The following SPMIP7 variants were observed in gnomAD, a reference collection of about 807,000 sequenced individuals.
SPMIP7 encodes sperm microtubule inner protein 7.
the SPMIP7 span, among the ~76,000 whole-genome samples, chr7:50,114,898 C>T: frequency 1.6e-4 from 24 of 151,504 alleles, no homozygotes; most frequent in South Asian, 4.2e-4. Context: ...GATGTAGTGG[C>T]GGGCGCCTGT....
the SPMIP7 span, among the ~76,000 whole-genome samples, chr7:50,113,038 A>C: frequency 3.3e-5 from 5 of 151,972 alleles, no homozygotes; most frequent in African/African-American, 1.2e-4. Context: ...CAGGACAGGG[A>C]ACGTTTTATG....
the SPMIP7 span, among the ~76,000 whole-genome samples, chr7:50,125,221 T>G: frequency 2.2e-5 from 2 of 91,700 alleles, no homozygotes; most frequent in Non-Finnish European, 4.0e-5. Context: ...TATATACACA[T>G]ATATACACAT....
chr7:50,121,620 T>TA, the SPMIP7 span, among the ~76,000 whole-genome samples: 3 of 152,112 alleles, frequency 2.0e-5, no homozygotes, highest in East Asian at 5.8e-4. Flanking sequence ...TCTGCCCAGT[T>TA]AAACACTGTT....
the SPMIP7 span, among the ~76,000 whole-genome samples, chr7:50,120,770 G>A: frequency 1.3e-5 from 2 of 152,128 alleles, no homozygotes; most frequent in African/African-American, 4.8e-5. Context: ...TACTATGATT[G>A]ATATTACCAG....
the SPMIP7 span, among the ~76,000 whole-genome samples, chr7:50,145,219 C>T: frequency 6.6e-5 from 10 of 151,218 alleles, no homozygotes; most frequent in Non-Finnish European, 1.2e-4. Context: ...GCCAAGATCG[C>T]GCCACTGCAC....
chr7:50,136,201 T>C, the SPMIP7 span: 2 of 1,410,034 alleles, frequency 1.4e-6, no homozygotes, highest in East Asian at 2.5e-5. Context: ...ACACTAGGTT[T>C]CTCACTATCA....
At chr7:50,128,393 T>G in the SPMIP7 span, among the ~76,000 whole-genome samples, 2 of 151,916 alleles carry the variant, frequency 1.3e-5, no homozygotes, top group Non-Finnish European at 2.9e-5. Context: ...AGACCATGTT[T>G]GATATATCAG....
the SPMIP7 span, chr7:50,158,919 G>A: frequency 4.5e-6 from 4 of 891,446 alleles, no homozygotes; most frequent in Non-Finnish European, 6.8e-6. Context: ...AGTCATCCTC[G>A]CTCCCTGCCT....
At chr7:50,144,155 TTATGCTCAG>T in the SPMIP7 span, among the ~76,000 whole-genome samples, 2 of 152,228 alleles carry the variant, frequency 1.3e-5, no homozygotes, top group Non-Finnish European at 2.9e-5. Context: ...GAGCCAATGG[TTATGCTCAG>T]TATTTATGCT....
At chr7:50,100,748 C>T in the SPMIP7 span, among the ~76,000 whole-genome samples, 1 of 151,598 alleles carries the variant, frequency 6.6e-6, no homozygotes, top group Non-Finnish European at 1.5e-5. Context: ...GTAGGCAGAG[C>T]TTGCAGTGAG....
chr7:50,097,106 A>G, the SPMIP7 span, among the ~76,000 whole-genome samples: 1 of 152,206 alleles, frequency 6.6e-6, no homozygotes, highest in Non-Finnish European at 1.5e-5. Context: ...AATGAAGCAA[A>G]CTCTGCATAA....
the SPMIP7 span, among the ~76,000 whole-genome samples, chr7:50,133,192 A>G: frequency 6.6e-6 from 1 of 151,748 alleles, no homozygotes; most frequent in Non-Finnish European, 1.5e-5. Flanking sequence ...GTGAAAGAAC[A>G]ACTTTCAAAA....
At chr7:50,135,500 TC>T in the SPMIP7 span, among the ~76,000 whole-genome samples, 1 of 152,124 alleles carries the variant, frequency 6.6e-6, no homozygotes, top group South Asian at 2.1e-4. Flanking sequence ...GAAAAACATG[TC>T]TTTAATATAA....
At chr7:50,111,553 G>A in the SPMIP7 span, among the ~76,000 whole-genome samples, 9 of 152,158 alleles carry the variant, frequency 5.9e-5, no homozygotes, top group Non-Finnish European at 1.0e-4. Context: ...CTGGCTTCCT[G>A]GTAGCCCTTC....
chr7:50,133,317 C>T, the SPMIP7 span, among the ~76,000 whole-genome samples: 314 of 152,136 alleles, frequency 2.1e-3, 1 homozygote, highest in African/African-American at 7.2e-3. Flanking sequence ...AAAACTTGTA[C>T]AATTTGGCTG....
the SPMIP7 span, among the ~76,000 whole-genome samples, chr7:50,150,887 T>A: frequency 6.6e-6 from 1 of 152,200 alleles, no homozygotes. Context: ...AACTAAACTG[T>A]TTAAATTCAA....
At chr7:50,111,603 C>G in the SPMIP7 span, among the ~76,000 whole-genome samples, 18 of 152,234 alleles carry the variant, frequency 1.2e-4, no homozygotes, top group South Asian at 3.7e-3. Context: ...ATGCAAACTT[C>G]GAGCATACTT....
the SPMIP7 span, among the ~76,000 whole-genome samples, chr7:50,104,753 T>G: frequency 6.6e-6 from 1 of 152,180 alleles, no homozygotes; most frequent in Non-Finnish European, 1.5e-5. Context: ...ACTGGAGGAC[T>G]GCACCTTCTC....
At chr7:50,146,746 T>C in the SPMIP7 span, among the ~76,000 whole-genome samples, 125,112 of 152,136 alleles carry the variant, frequency 0.82, 51,474 homozygotes, top group East Asian at 0.92. Context: ...CTGACCCTCC[T>C]TAAAGTCCAA....
Sources: gnomAD v4.1 joint callset for allele counts (sites outside exome capture counted in the v4.1 genomes callset) on GRCh38, gnomAD v4.1.1 for gene constraint, MANE v1.5 for transcripts, NCBI Gene and HGNC (gene_info 2026-07-23, HGNC 2026-07-21) for gene names.